SH3TC1: variants seen among roughly 807,000 people sequenced by gnomAD.
SH3TC1 encodes SH3 domain and tetratricopeptide repeat-containing protein 1.
SH3TC1 carries 135 observed loss-of-function variants against 117.3 expected under a neutral mutation model. The ratio of observed to expected loss-of-function variants is 1.15; its 90% CI spans 1.00 to 1.33. The LOEUF (loss-of-function observed/expected upper bound fraction) is 1.33, where lower values mean the gene tolerates loss of function less well. Among genes scored for constraint, SH3TC1 ranks in the 40% most tolerant of loss-of-function variants. The pLI is 0.00. For synonymous variants in SH3TC1, 898 were observed against 816.9 expected (o/e 1.10, Z -1.69); for missense variants, 2,092 against 1,794.3 (o/e 1.17, Z -3.00).
At chr4:8,228,759 A>G in intron 12 of SH3TC1, 115 bp downstream of exon 12, 1 of 913,584 alleles carries the variant, frequency 1.1e-6, no homozygotes, top group South Asian at 1.9e-5. Context: ...GTGCTGAGTC[A>G]TGGCAAACAG....
chr4:8,203,105 C>T (rs146378558), intron 1 of SH3TC1, among the ~76,000 whole-genome samples: 101 of 152,310 alleles, frequency 6.6e-4, no homozygotes, highest in African/African-American at 2.3e-3. Context: ...CTAAACATTA[C>T]ACAGGAGCTG....
chr4:8,228,401 G>A lies in SH3TC1; in HGVS notation c.2707G>A (p.Ala903Thr), dbSNP rs1459257905. ...GGACCTGGGCCAGCAAAGGAACCAG[G>A]CAGTGGGGCTGGCCAACTTCGGGGC... ...ARDLGQQRNQ[A>T]VGLANFGALC... Residue 903 changes from alanine (A) to threonine (T), a missense_variant, in exon 12 of 18, where the codon GCA becomes ACA. Coordinates refer to ENST00000245105, the MANE Select transcript of SH3TC1 (RefSeq NM_018986.5). 3 of 1,609,454 alleles carry A rather than the reference G, an allele frequency of 1.9e-6. No homozygotes were observed. The highest frequency in any genetic ancestry group is 1.3e-5 in the African/African-American group (1 of 74,928).
In SH3TC1 at chr4:8,192,001, T is replaced by C. The variant is rs183265678; in HGVS notation, c.-57+9791T>C. ...TTTATTTATTTATTTATTTATTTAT[T>C]ATTTTTGAGACGGAGTCTTGCTCTG... On this transcript the variant is annotated intron_variant, in intron 1 of 16. Coordinates refer to the SH3TC1 transcript ENST00000508641. The surrounding 1 kb of genome is among the most constrained non-coding windows in gnomAD (Gnocchi z 4.1). Among the ~76,000 whole-genome samples the C allele has an allele frequency of 4.1e-4, 62 of 150,724 alleles. No homozygotes were observed. Among genetic ancestry groups the C allele is most frequent in the African/African-American group, 1.5e-3 (61 of 40,982 alleles).
upstream of SH3TC1, among the ~76,000 whole-genome samples, chr4:8,196,912 G>A (rs977040794): frequency 6.6e-6 from 1 of 152,140 alleles, no homozygotes; most frequent in Admixed American, 6.5e-5. This position sits in a 1 kb window ranked among gnomAD's most constrained non-coding sequence, Gnocchi z 4.6. Context: ...GGCTGTGATT[G>A]GGGGCCAATG....
intron 13 of SH3TC1, 23 bp downstream of exon 13, chr4:8,232,179 TGGG>T: frequency 1.3e-5 from 1 of 77,922 alleles, no homozygotes; most frequent in Non-Finnish European, 1.8e-5. Flanking sequence ...TCTGTGGTGG[TGGG>T]GGCGGGGGGA....
intron 1 of SH3TC1, among the ~76,000 whole-genome samples, chr4:8,193,749 G>A (rs1717481228): frequency 6.6e-6 from 1 of 152,168 alleles, no homozygotes; most frequent in African/African-American, 2.4e-5. Context: ...GCTCCAAGCT[G>A]CAAAAAGCAG....
At position 8,190,934 on chromosome 4, in the gene SH3TC1, G is replaced by A. The variant is rs774013470; in HGVS notation, c.-57+8724G>A. 3.3e-5 allele frequency among the ~76,000 whole-genome samples: 5 copies of A among 152,214 alleles called. No homozygotes were observed. The highest frequency in any genetic ancestry group is 2.6e-4 in the Admixed American group (4 of 15,304). ...TAGGATTACAGGCGTAATCCACTGC[G>A]CCCAGCCCTGGCTCTGTGATTTTAC... On this transcript the variant is annotated intron_variant, in intron 1 of 16. Transcript: ENST00000508641. The surrounding 1 kb of genome is among the most constrained non-coding windows in gnomAD (Gnocchi z 4.7).
chr4:8,240,779 A>G lies in SH3TC1; in HGVS notation c.3835A>G (p.Ile1279Val), dbSNP rs780987786. Residue 1279 changes from isoleucine (I) to valine (V), a missense_variant, in exon 18 of 18, where the codon ATC becomes GTC. Physicochemically the swap from Ile to Val is conservative, Grantham distance 29. Coordinates refer to ENST00000245105, the MANE Select transcript of SH3TC1 (RefSeq NM_018986.5). ...DLGNKKAQLK[I>V]YTRLATIYHN... ...GGGCAACAAGAAGGCACAGCTGAAG[A>G]TCTACACGCGGCTGGCCACCATCTA... 1 of 1,614,080 alleles carries G rather than the reference A, an allele frequency of 6.2e-7. No individual in the cohort carries two copies. The highest frequency in any genetic ancestry group is 8.5e-7 in the Non-Finnish European group (1 of 1,180,028).
chr4:8,188,954 G>C (rs1007792608), intron 1 of SH3TC1, among the ~76,000 whole-genome samples: 1 of 152,268 alleles, frequency 6.6e-6, no homozygotes, highest in Admixed American at 6.5e-5. Flanking sequence ...GGCACACGTG[G>C]CTCGACACAT....
chr4:8,218,264 G>T lies in SH3TC1; in HGVS notation c.840-7G>T, dbSNP rs755194202. 8.7e-6 allele frequency: 14 copies of T among 1,608,584 alleles called. No individual in the cohort carries two copies. The highest frequency in any genetic ancestry group is 2.7e-5 in the African/African-American group (2 of 74,786). On this transcript the variant is annotated splice_region_variant and splice_polypyrimidine_tract_variant and intron_variant, in intron 7 of 17. Transcript: ENST00000245105. ...CCGCAGCAAAGACCTCCCTCTTCCG[G>T]CTCCAGGTGGGCTCTTAGGATCCCC... is the stretch of plus-strand genomic sequence containing the variant.
chr4:8,198,414 C>T (rs1429468608), upstream of SH3TC1, among the ~76,000 whole-genome samples: 1 of 152,218 alleles, frequency 6.6e-6, no homozygotes, highest in East Asian at 1.9e-4. Context: ...GGCCGGAGCC[C>T]GCAGCCCACA....
At position 8,205,964 on chromosome 4, in the gene SH3TC1, C is replaced by A. The variant is rs115646411; in HGVS notation, c.172+598C>A. 4.7e-6 allele frequency: 2 copies of A among 423,522 alleles called. No individual in the cohort carries two copies. The highest frequency in any genetic ancestry group is 3.8e-5 in the Admixed American group (1 of 26,008). The allele number at this position is 423,522 out of a possible 1,614,324, so 26.2% of individuals were successfully genotyped here. A position where few individuals can be genotyped will look rare whatever the true frequency, so the allele number is the denominator to read the frequency against. ...GGCCCCTCCCGGCAGGAGACAGCTG[C>A]GGTTGTGACCCGTCCCTGGGCCTCG... On this transcript the variant is annotated intron_variant, in intron 2 of 17. Transcript: ENST00000245105. The surrounding 1 kb of genome is among the most constrained non-coding windows in gnomAD (Gnocchi z 5.4).
At chr4:8,188,089 A>G (rs1717286021) in intron 1 of SH3TC1, among the ~76,000 whole-genome samples, 1 of 152,216 alleles carries the variant, frequency 6.6e-6, no homozygotes, top group Non-Finnish European at 1.5e-5. Flanking sequence ...ATTTCCTGCC[A>G]GGGAATGTAT....
Position 8,227,671 on chromosome 4 carries a change from G to C in SH3TC1, c.1977G>C (p.Gln659His). 2 of 1,536,574 alleles carry C rather than the reference G, an allele frequency of 1.3e-6. No individual in the cohort carries two copies. Reference protein sequence around the residue: ...QLALRRAVGGQSLQAEARACF... With the variant: ...QLALRRAVGGHSLQAEARACF... Reference sequence around the variant, plus strand: ...CGCTGCGGCGGGCGGTGGGTGGCCAGAGCCTGCAGGCCGAGGCCCGGGCCT... The same window carrying C: ...CGCTGCGGCGGGCGGTGGGTGGCCACAGCCTGCAGGCCGAGGCCCGGGCCT... Residue 659 changes from glutamine to histidine, a missense_variant, in exon 12 of 18, where the codon CAG (glutamine) becomes CAC (histidine). Physicochemically the swap from Gln to His is conservative, Grantham distance 24 (BLOSUM62 0). Coordinates refer to ENST00000245105, the MANE Select transcript of SH3TC1 (RefSeq NM_018986.5).
At position 8,219,498 on chromosome 4, in the gene SH3TC1, C is replaced by A; in HGVS notation, c.1080C>A (p.Ser360Arg). 1.9e-6 allele frequency: 3 copies of A among 1,586,224 alleles called. No individual in the cohort carries two copies. The highest frequency in any genetic ancestry group is 2.6e-6 in the Non-Finnish European group (3 of 1,161,614). Reference sequence around the variant, plus strand: ...CGGGCCGGGTGGGGTTTGTGCGGAGCAGCCTCATCAGCATGCAGGGCCCCG... The same window carrying A: ...CGGGCCGGGTGGGGTTTGTGCGGAGAAGCCTCATCAGCATGCAGGGCCCCG... ...AASGRVGFVR[S>R]SLISMQGPVS... The change falls in exon 9 of 18, where the codon AGC (serine) becomes AGA (arginine). Residue 360 changes from serine (S) to arginine (R), a missense_variant. By Grantham distance (110) the Ser-to-Arg change is moderately radical (BLOSUM62 -1). Transcript: ENST00000245105.
chr4:8,208,806 G>A (rs992242786), intron 2 of SH3TC1, among the ~76,000 whole-genome samples: 14 of 152,250 alleles, frequency 9.2e-5, no homozygotes, highest in Non-Finnish European at 1.6e-4. Flanking sequence ...AGTGAACACC[G>A]TCCCAATGCA....
intron 1 of SH3TC1, among the ~76,000 whole-genome samples, chr4:8,203,594 G>C (rs1717979766): frequency 6.6e-6 from 1 of 152,058 alleles, no homozygotes; most frequent in African/African-American, 2.4e-5. Context: ...GGCCCAGCTT[G>C]CCCTGTTTGG....
chr4:8,187,741 G>A (rs1027605073), intron 1 of SH3TC1, among the ~76,000 whole-genome samples: 9 of 151,924 alleles, frequency 5.9e-5, no homozygotes, highest in African/African-American at 1.9e-4. Flanking sequence ...TAGTAGAGAC[G>A]GGGTTTCACC....
rs371546678 is a variant in SH3TC1 at position 8,227,433 on chromosome 4, G to T, written c.1739G>T (p.Arg580Leu). The T allele has an allele frequency of 5.1e-6, 8 of 1,556,848 alleles. No homozygotes were observed. The highest frequency in any genetic ancestry group is 4.1e-5 in the African/African-American group (3 of 72,934). The change falls in exon 12 of 18, where the codon CGG (arginine) becomes CTG (leucine). Residue 580 changes from arginine to leucine, a missense_variant. By Grantham distance (102) the Arg-to-Leu change is moderately radical. Transcript: ENST00000245105. ...CSRRLKLSQA[R>L]VYFEEALGAL... is the part of the protein sequence containing the mutation. ...AGGAGGCTCAAGCTGTCCCAGGCCCGGGTGTACTTTGAGGAAGCGCTGGGG... is the reference window on the plus strand; with the variant it reads ...AGGAGGCTCAAGCTGTCCCAGGCCCTGGTGTACTTTGAGGAAGCGCTGGGG...
Sources: gnomAD v4.1 joint callset for allele counts (sites outside exome capture counted in the v4.1 genomes callset) on GRCh38, gnomAD v4.1.1 for gene constraint, Gnocchi (gnomAD v3.1) non-coding constraint, MANE v1.5 for transcripts, NCBI Gene and HGNC (gene_info 2026-07-23, HGNC 2026-07-21) for gene names.